Variants in PIP4K2A observed in about 807,000 individuals in gnomAD.
PIP4K2A encodes the protein phosphatidylinositol-5-phosphate 4-kinase type 2 alpha.
PIP4K2A carries 14 observed loss-of-function variants against 42.9 expected under a neutral mutation model. That is an observed-to-expected ratio of 0.33 (90% CI 0.22 to 0.51). PIP4K2A has a LOEUF of 0.51. PIP4K2A is among the 20% of genes least tolerant of loss of function. PIP4K2A has a pLI of 0.97. For synonymous variants in PIP4K2A, 192 were observed against 192.2 expected (o/e 1.00, Z 0.01); for missense variants, 434 against 519.8 (o/e 0.83, Z 1.61).
intron 3 of PIP4K2A, among the ~76,000 whole-genome samples, chr10:22,606,488 A>G (rs2130698286): frequency 6.6e-6 from 1 of 152,274 alleles, no homozygotes; most frequent in South Asian, 2.1e-4. Context: ...TCATGAGACA[A>G]TGTCACCGGC....
At chr10:22,597,097 T>A (rs184992671) in intron 3 of PIP4K2A, among the ~76,000 whole-genome samples, 1 of 152,386 alleles carries the variant, frequency 6.6e-6, no homozygotes, top group Non-Finnish European at 1.5e-5. Context: ...GAGTCTGTTA[T>A]TTACACTTTT....
rs1271719645 is a variant in PIP4K2A at position 22,537,125 on chromosome 10, T to C, written c.*76A>G. 4.5e-6 allele frequency: 5 copies of C among 1,105,820 alleles called. No individual in the cohort carries two copies. The African/African-American group carries it at 7.9e-5, about 17-fold the overall frequency. 68.5% of individuals were successfully genotyped at this position (1,105,820 alleles called of 1,614,324 possible). Reference sequence around the variant, plus strand: ...CTGCAAGATGAGTACTTCACTGAGTTTGGTTTTCATTTTTCCTACACCGAA... The same window carrying C: ...CTGCAAGATGAGTACTTCACTGAGTCTGGTTTTCATTTTTCCTACACCGAA... On this transcript the variant is annotated 3_prime_UTR_variant, in exon 10 of 10. Transcript: ENST00000376573.
chr10:22,539,920 A>AGAGAGAGAGAGG (rs760585105), intron 9 of PIP4K2A, 51 bp downstream of exon 9: 2 of 970,352 alleles, frequency 2.1e-6, no homozygotes, highest in African/African-American at 3.4e-5. Flanking sequence ...AGGGAGAGAG[A>AGAGAGAGAGAGG]GAGAGAGAGA....
At chr10:22,571,045 G>A (rs1222711770) in intron 5 of PIP4K2A, among the ~76,000 whole-genome samples, 1 of 152,144 alleles carries the variant, frequency 6.6e-6, no homozygotes, top group Non-Finnish European at 1.5e-5. Context: ...CTAGACCCAG[G>A]AGTACACGTC....
At chr10:22,615,306 C>T (rs1331169900) in intron 1 of PIP4K2A, among the ~76,000 whole-genome samples, 1 of 152,268 alleles carries the variant, frequency 6.6e-6, no homozygotes, top group Admixed American at 6.5e-5. Flanking sequence ...CAAGGTCTTG[C>T]TATGTTGCCT....
intron 7 of PIP4K2A, among the ~76,000 whole-genome samples, chr10:22,547,975 A>G (rs944092379): frequency 1.3e-5 from 2 of 152,242 alleles, no homozygotes; most frequent in Non-Finnish European, 2.9e-5. Flanking sequence ...GAGCTGTAAT[A>G]CACTCAGATC....
chr10:22,611,895 G>A (rs1838050816), intron 1 of PIP4K2A, among the ~76,000 whole-genome samples: 1 of 152,204 alleles, frequency 6.6e-6, no homozygotes, highest in Admixed American at 6.5e-5. Flanking sequence ...GTGGAGGTGG[G>A]ATCAGACACT....
At chr10:22,552,431 A>C (rs1027416837) in intron 6 of PIP4K2A, among the ~76,000 whole-genome samples, 7 of 152,150 alleles carry the variant, frequency 4.6e-5, no homozygotes, top group African/African-American at 1.4e-4. Flanking sequence ...CTTACCCCCT[A>C]AATCTGTCAT....
chr10:22,565,296 G>T (rs1836819304), intron 6 of PIP4K2A, among the ~76,000 whole-genome samples: 1 of 152,208 alleles, frequency 6.6e-6, no homozygotes, highest in Non-Finnish European at 1.5e-5. Flanking sequence ...ACTGTTGGGG[G>T]AAGTCAGGGA....
At chr10:22,689,700 T>G (rs1272982698) in intron 1 of PIP4K2A, among the ~76,000 whole-genome samples, 1 of 152,160 alleles carries the variant, frequency 6.6e-6, no homozygotes, top group Non-Finnish European at 1.5e-5. Context: ...TCAAGGTGCA[T>G]GACAGTAAAG....
intron 1 of PIP4K2A, among the ~76,000 whole-genome samples, chr10:22,682,340 C>G (rs866139421): frequency 2.0e-5 from 3 of 152,180 alleles, no homozygotes; most frequent in Non-Finnish European, 2.9e-5. Flanking sequence ...ATTTCCTCTG[C>G]CAGGAGGCAA....
At chr10:22,538,447 C>T (rs991718043) in intron 9 of PIP4K2A, among the ~76,000 whole-genome samples, 2 of 151,852 alleles carry the variant, frequency 1.3e-5, no homozygotes, top group African/African-American at 4.8e-5. Flanking sequence ...AAGCATTTGT[C>T]CAGACAACTC....
chr10:22,620,959 C>T (rs1390877620), intron 1 of PIP4K2A, among the ~76,000 whole-genome samples: 1 of 152,226 alleles, frequency 6.6e-6, no homozygotes, highest in African/African-American at 2.4e-5. Context: ...AAAGCCACAG[C>T]TCCAATATTC....
At chr10:22,585,021 C>T (rs530436798) in intron 4 of PIP4K2A, among the ~76,000 whole-genome samples, 2 of 152,204 alleles carry the variant, frequency 1.3e-5, no homozygotes, top group Non-Finnish European at 2.9e-5. Context: ...GACTCCCCGA[C>T]AGCCCCTCCA....
chr10:22,575,131 A>G (rs1837079512), intron 4 of PIP4K2A, among the ~76,000 whole-genome samples: 1 of 152,204 alleles, frequency 6.6e-6, no homozygotes, highest in African/African-American at 2.4e-5. Flanking sequence ...TTTGAGGGTT[A>G]CAGGTAAGAG....
chr10:22,621,307 A>G (rs1335468267), intron 1 of PIP4K2A, among the ~76,000 whole-genome samples: 4 of 152,260 alleles, frequency 2.6e-5, no homozygotes, highest in Non-Finnish European at 4.4e-5. Flanking sequence ...TGGATGTCAA[A>G]TAAGAACTTC....
intron 1 of PIP4K2A, among the ~76,000 whole-genome samples, chr10:22,622,599 G>A (rs1415372626): frequency 6.6e-6 from 1 of 152,158 alleles, no homozygotes; most frequent in East Asian, 1.9e-4. Flanking sequence ...TAATAATTCC[G>A]CCAGTGGGCG....
chr10:22,571,176 T>G (rs778915100), intron 5 of PIP4K2A, among the ~76,000 whole-genome samples: 1 of 152,234 alleles, frequency 6.6e-6, no homozygotes, highest in Non-Finnish European at 1.5e-5. Flanking sequence ...ATCTTTTTCA[T>G]GAAACAACAC....
chr10:22,627,724 C>T (rs1431208696), intron 1 of PIP4K2A, among the ~76,000 whole-genome samples: 1 of 150,082 alleles, frequency 6.7e-6, no homozygotes, highest in African/African-American at 2.4e-5. Flanking sequence ...CATGCAAGGG[C>T]TTTGCCTGTG....
Sources: gnomAD v4.1 joint callset for allele counts (sites outside exome capture counted in the v4.1 genomes callset) on GRCh38, gnomAD v4.1.1 for gene constraint, MANE v1.5 for transcripts, NCBI Gene and HGNC (gene_info 2026-07-23, HGNC 2026-07-21) for gene names.